COL14A1: variants seen among roughly 807,000 people sequenced by gnomAD.
COL14A1 encodes collagen type XIV alpha 1 chain, also known as collagen alpha-1(XIV) chain.
COL14A1 carries 136 observed loss-of-function variants against 230.3 expected under a neutral mutation model. The ratio of observed to expected loss-of-function variants is 0.59; its 90% CI spans 0.51 to 0.68. The LOEUF is 0.68. COL14A1 is among the 30% of genes least tolerant of loss of function. The pLI is 0.00. For synonymous variants in COL14A1, 792 were observed against 784.1 expected (o/e 1.01, Z -0.17); for missense variants, 1,976 against 2,215.8 (o/e 0.89, Z 2.17).
intron 2 of COL14A1, among the ~76,000 whole-genome samples, chr8:120,150,053 A>G (rs1815230813): frequency 6.6e-6 from 1 of 152,218 alleles, no homozygotes; most frequent in Non-Finnish European, 1.5e-5. Context: ...AGTTCAAGAT[A>G]CAAAGCTAAA....
At chr8:120,298,487 A>G (rs1820596197) in intron 35 of COL14A1, among the ~76,000 whole-genome samples, 2 of 150,584 alleles carry the variant, frequency 1.3e-5, no homozygotes. Context: ...ACAACTCAGT[A>G]GCCCATATAA....
intron 5 of COL14A1, among the ~76,000 whole-genome samples, chr8:120,184,910 T>C (rs7829249): frequency 0.34 from 51,790 of 152,006 alleles, 9,599 homozygotes; most frequent in Admixed American, 0.48. Context: ...CCAAAATCAG[T>C]CAGAAATACT....
chr8:120,347,711 G>A (rs1364748773), intron 45 of COL14A1, among the ~76,000 whole-genome samples: 2 of 152,164 alleles, frequency 1.3e-5, no homozygotes, highest in Non-Finnish European at 2.9e-5. Context: ...AGATATTGAA[G>A]TAAGGCCAAA....
At chr8:120,135,955 TTGTC>T (rs1251154374) in intron 1 of COL14A1, among the ~76,000 whole-genome samples, 1 of 152,208 alleles carries the variant, frequency 6.6e-6, no homozygotes, top group Non-Finnish European at 1.5e-5. Flanking sequence ...CTGACTGATC[TTGTC>T]TGTCAGTCTT....
intron 5 of COL14A1, among the ~76,000 whole-genome samples, chr8:120,186,034 A>G (rs1323493730): frequency 3.3e-5 from 5 of 152,090 alleles, no homozygotes; most frequent in African/African-American, 1.2e-4. Context: ...CAGCCTCCCA[A>G]AGTGCTGGGA....
intron 40 of COL14A1, among the ~76,000 whole-genome samples, chr8:120,320,606 T>C (rs987213173): frequency 3.9e-5 from 6 of 152,238 alleles, no homozygotes; most frequent in African/African-American, 1.4e-4. Flanking sequence ...CTAAGTAATA[T>C]TTTGTAAAAT....
chr8:120,173,754 C>T (rs1816180468), intron 5 of COL14A1, among the ~76,000 whole-genome samples: 2 of 151,792 alleles, frequency 1.3e-5, no homozygotes, highest in Non-Finnish European at 2.9e-5. Context: ...TTTAGCCCTC[C>T]TTCTTCTAAT....
rs759041692 is a variant in COL14A1, at chr8:120,369,502, G to A, written c.5311+17G>A. On this transcript the variant is annotated intron_variant, in intron 47 of 47. Transcript: ENST00000297848. The stretch of plus-strand genomic sequence containing the variant: ...GTGTGAGAGGTAAGTGTCACAAAAA[G>A]CCCCGCTTGTGGGCTTTGATCAATG... 2 of 1,529,014 alleles carry A rather than the reference G, an allele frequency of 1.3e-6. No homozygotes were observed. Among genetic ancestry groups the A allele is most frequent in the East Asian group, 2.4e-5 (1 of 40,958 alleles). The allele number at this position is 1,529,014 out of a possible 1,614,324, so 94.7% of individuals were successfully genotyped here. A position where few individuals can be genotyped will look rare whatever the true frequency, so the allele number is the denominator to read the frequency against.
chr8:120,209,986 A>G, intron 12 of COL14A1, 85 bp downstream of exon 12: 1 of 1,139,038 alleles, frequency 8.8e-7, no homozygotes, highest in Non-Finnish European at 1.1e-6. Context: ...TTTAATGTAG[A>G]AAATTTAGAA....
At chr8:120,302,313 C>T (rs78827543) in intron 36 of COL14A1, among the ~76,000 whole-genome samples, 14 of 151,450 alleles carry the variant, frequency 9.2e-5, no homozygotes, top group South Asian at 2.1e-4. Flanking sequence ...AATCTTTGCT[C>T]GTGCCTATGT....
chr8:120,249,610 C>T (rs765029946), intron 21 of COL14A1, among the ~76,000 whole-genome samples: 16 of 152,254 alleles, frequency 1.1e-4, no homozygotes, highest in South Asian at 8.3e-4. Flanking sequence ...TGCTCCCAAA[C>T]GGAGACATTT....
At chr8:120,278,876 A>G (rs951693465) in intron 28 of COL14A1, among the ~76,000 whole-genome samples, 1 of 151,994 alleles carries the variant, frequency 6.6e-6, no homozygotes, top group African/African-American at 2.4e-5. Context: ...TATTACAGAA[A>G]CTCCTCAGCC....
intron 42 of COL14A1, among the ~76,000 whole-genome samples, chr8:120,337,760 T>C (rs927360304): frequency 6.6e-6 from 1 of 152,240 alleles, no homozygotes; most frequent in Non-Finnish European, 1.5e-5. Context: ...CCTCAAAGCA[T>C]ACTTTGGTGG....
rs17833992 is a variant in COL14A1 at position 120,285,917 on chromosome 8, G to C, written c.4024G>C (p.Val1342Leu). The change falls in exon 33 of 48, where the codon GTT becomes CTT. Residue 1342 changes from valine to leucine, a missense_variant. By Grantham distance (32) the Val-to-Leu change is conservative. Coordinates refer to ENST00000297848, the MANE Select transcript of COL14A1 (RefSeq NM_021110.4). Reference sequence around the variant, plus strand: ...TGACCAGAGTGGGGATTTTCAAACTGTTACTTTCGAAGGACCTGAAATTAG... The same window carrying C: ...TGACCAGAGTGGGGATTTTCAAACTCTTACTTTCGAAGGACCTGAAATTAG... ...NYDQSGDFQT[V>L]TFEGPEIRKI... 0.15 allele frequency: 235,660 copies of C among 1,606,790 alleles called. 18,351 individuals carry two copies. Among genetic ancestry groups the C allele is most frequent in the Non-Finnish European group, 0.16 (188,200 of 1,173,992 alleles).
chr8:120,303,190 A>G (rs1268974580), intron 36 of COL14A1, among the ~76,000 whole-genome samples: 1 of 152,114 alleles, frequency 6.6e-6, no homozygotes, highest in Non-Finnish European at 1.5e-5. Flanking sequence ...GCAAACAGGG[A>G]TAGTTTGACT....
chr8:120,260,291 A>G (rs567073888), intron 23 of COL14A1, among the ~76,000 whole-genome samples: 1 of 152,262 alleles, frequency 6.6e-6, no homozygotes, highest in Admixed American at 6.5e-5. Context: ...GCATATTATA[A>G]TATACATATC....
At chr8:120,231,941 A>G (rs1473898327) in intron 19 of COL14A1, 1 of 223,044 alleles carries the variant, frequency 4.5e-6, no homozygotes. Flanking sequence ...GTCTGTATAT[A>G]TGTATGTATA....
At chr8:120,182,721 T>C (rs1476547590) in intron 5 of COL14A1, among the ~76,000 whole-genome samples, 2 of 136,742 alleles carry the variant, frequency 1.5e-5, no homozygotes, top group East Asian at 2.0e-4. Context: ...TTTTTATTTT[T>C]CTTCGTTTTT....
chr8:120,184,428 T>C (rs1468150269), intron 5 of COL14A1, among the ~76,000 whole-genome samples: 2 of 151,962 alleles, frequency 1.3e-5, no homozygotes, highest in Non-Finnish European at 2.9e-5. Context: ...CTAATTTTTG[T>C]ATTTTTAGTA....
Sources: gnomAD v4.1 joint callset for allele counts (sites outside exome capture counted in the v4.1 genomes callset) on GRCh38, gnomAD v4.1.1 for gene constraint, MANE v1.5 for transcripts, NCBI Gene and HGNC (gene_info 2026-07-23, HGNC 2026-07-21) for gene names.